Variants in SLC16A6 observed in about 807,000 individuals in gnomAD.
SLC16A6 encodes monocarboxylate transporter 7.
SLC16A6 carries 15 observed loss-of-function variants against 33.8 expected under a neutral mutation model. That is an observed-to-expected ratio of 0.44 (90% CI 0.30 to 0.68). The LOEUF (loss-of-function observed/expected upper bound fraction) is 0.68, where lower values mean the gene tolerates loss of function less well. SLC16A6 is among the 30% of genes least tolerant of loss of function. The probability of loss-of-function intolerance (pLI) is 0.10; values close to 1 mark genes in which losing one functional copy is unlikely to be tolerated. For missense variants in SLC16A6, 451 were observed against 661.5 expected (o/e 0.68, Z 3.49); for synonymous variants, 219 against 248.4 (o/e 0.88, Z 1.11).
At chr17:68,277,569 A>G (rs541218068) in intron 2 of SLC16A6, among the ~76,000 whole-genome samples, 2 of 152,302 alleles carry the variant, frequency 1.3e-5, no homozygotes, top group South Asian at 2.1e-4. Flanking sequence ...ACTGAGGATT[A>G]CAAGTGCAAA....
chr17:68,280,532 A>G (rs570715545), intron 1 of SLC16A6, among the ~76,000 whole-genome samples: 7 of 152,250 alleles, frequency 4.6e-5, no homozygotes, highest in Non-Finnish European at 1.0e-4. Flanking sequence ...AAAGACATTC[A>G]TTGGAGAAAG....
intron 2 of SLC16A6, chr17:68,274,305 A>C: frequency 2.8e-6 from 1 of 360,218 alleles, no homozygotes; most frequent in Admixed American, 3.9e-5. Flanking sequence ...GTCTCTACAA[A>C]AAATACAAAA....
chr17:68,277,422 G>A (rs1473894578), intron 2 of SLC16A6, among the ~76,000 whole-genome samples: 4 of 151,034 alleles, frequency 2.6e-5, no homozygotes, highest in Non-Finnish European at 5.9e-5. Flanking sequence ...GAGCCACCGC[G>A]CCCGGCCGCA....
intron 5 of SLC16A6, 33 bp downstream of exon 5, chr17:68,270,806 G>T: frequency 6.5e-7 from 1 of 1,528,866 alleles, no homozygotes; most frequent in South Asian, 1.3e-5. Context: ...AGGGAAAGTA[G>T]ACAAGTGTTT....
At chr17:68,286,946 G>C (rs933024864) in intron 1 of SLC16A6, among the ~76,000 whole-genome samples, 5 of 152,226 alleles carry the variant, frequency 3.3e-5, no homozygotes, top group African/African-American at 1.2e-4. Flanking sequence ...TCATTGCTTA[G>C]ATCTATTCTA....
intron 5 of SLC16A6, among the ~76,000 whole-genome samples, chr17:68,270,540 C>T (rs538960599): frequency 2.7e-5 from 4 of 146,072 alleles, no homozygotes; most frequent in South Asian, 4.3e-4. Context: ...GGTGATAGAG[C>T]GAGACTCCAT....
At chr17:68,276,381 A>C (rs1159086306) in intron 2 of SLC16A6, among the ~76,000 whole-genome samples, 1 of 152,224 alleles carries the variant, frequency 6.6e-6, no homozygotes, top group African/African-American at 2.4e-5. Context: ...AACTTCAGAG[A>C]TAACAGTTCC....
intron 2 of SLC16A6, 143 bp downstream of exon 2, chr17:68,277,946 A>G: frequency 1.6e-6 from 1 of 611,634 alleles, no homozygotes; most frequent in Non-Finnish European, 2.9e-6. Flanking sequence ...ATGCTCTGAA[A>G]ACCCTGTTAG....
rs1420439078 is a variant in SLC16A6, at chr17:68,270,954, A to G, written c.1206T>C (p.Thr402=). ...CATCCTCAGCAAGCAGTGGAATGTG[A>G]GTCCCTCCTATTGTTCCAACCATAA... The part of the protein sequence containing the change: ...FGFMVGTIGG[T]HIPLLAEDDV... The change falls in exon 5 of 6, where the codon ACT becomes ACC. Residue 402 remains threonine, a synonymous_variant. Coordinates refer to ENST00000580666, the MANE Select transcript of SLC16A6 (RefSeq NM_004694.5). 5.0e-6 allele frequency: 8 copies of G among 1,614,204 alleles called. No homozygotes were observed. The highest frequency in any genetic ancestry group is 6.8e-6 in the Non-Finnish European group (8 of 1,180,042).
In SLC16A6 at chr17:68,282,088, C is replaced by T. The variant is rs147826318; in HGVS notation, c.-7-3761G>A. 6.3e-3 allele frequency among the ~76,000 whole-genome samples: 958 copies of T among 152,254 alleles called. 7 individuals are homozygous for T. Among genetic ancestry groups the T allele is most frequent in the African/African-American group, 0.022 (905 of 41,544 alleles). ...GCGGCACTATTCACAACAGCAAAGA[C>T]TTGGAACCAATCCAAATGTCCATCA... On this transcript the variant is annotated intron_variant, in intron 1 of 5. Coordinates refer to ENST00000580666, the MANE Select transcript of SLC16A6 (RefSeq NM_004694.5).
intron 1 of SLC16A6, among the ~76,000 whole-genome samples, chr17:68,286,650 A>G (rs897764595): frequency 1.4e-4 from 22 of 152,082 alleles, no homozygotes; most frequent in Admixed American, 1.4e-3. Flanking sequence ...GATTACAGGC[A>G]CCCACCATCA....
chr17:68,273,436 G>T (rs1341240375), intron 3 of SLC16A6, among the ~76,000 whole-genome samples: 1 of 152,030 alleles, frequency 6.6e-6, no homozygotes, highest in Non-Finnish European at 1.5e-5. Flanking sequence ...GCCCCAGTTG[G>T]TCTCAAACTG....
At chr17:68,272,906 G>T in intron 3 of SLC16A6, 139 bp from the exon 4 acceptor site, 2 of 1,009,794 alleles carry the variant, frequency 2.0e-6, no homozygotes, top group Non-Finnish European at 2.9e-6. Flanking sequence ...TCTGGACAAA[G>T]GTGATGTTGC....
Position 68,271,741 on chromosome 17 carries a change from TC to T in SLC16A6, c.506-88del. ...AGAAGCCATCAAGAAGAAATATGGA[TC>T]CAGATTTTGTTATAAGTTCTGTGGA... is the stretch of plus-strand genomic sequence containing the variant. On this transcript the variant is annotated intron_variant, in intron 4 of 5. Coordinates refer to ENST00000580666, the MANE Select transcript of SLC16A6 (RefSeq NM_004694.5). The surrounding 1 kb of genome is among the most constrained non-coding windows in gnomAD (Gnocchi z 5.3). 9.9e-7 allele frequency: 1 copy of T among 1,013,232 alleles called. No individual in the cohort carries two copies. Among genetic ancestry groups the T allele is most frequent in the Non-Finnish European group, 1.4e-6 (1 of 691,540 alleles). 62.8% of individuals were successfully genotyped at this position (1,013,232 alleles called of 1,614,324 possible).
In SLC16A6 at chr17:68,273,984, C is replaced by A; in HGVS notation, c.319G>T (p.Ala107Ser). The change falls in exon 3 of 6, where the codon GCC becomes TCC. Residue 107 changes from alanine to serine, a missense_variant. Physicochemically the swap from Ala to Ser is moderately conservative, Grantham distance 99. Transcript: ENST00000580666. ...GGLLVSTGMV[A>S]ASFSQEVSHM... ...GAAACCTCTTGTGAGAAGGAGGCGG[C>A]CACCATCCCGGTGCTGACAAGTAGC... 6.2e-7 allele frequency: 1 copy of A among 1,614,158 alleles called. No homozygotes were observed.
chr17:68,276,965 C>T (rs1207545895), intron 2 of SLC16A6, among the ~76,000 whole-genome samples: 2 of 152,116 alleles, frequency 1.3e-5, no homozygotes, highest in African/African-American at 4.8e-5. Flanking sequence ...AATGATGAAT[C>T]AGTGAAGTCC....
chr17:68,290,690 T>C (rs1555755487), intron 1 of SLC16A6, among the ~76,000 whole-genome samples: 1 of 152,212 alleles, frequency 6.6e-6, no homozygotes, highest in Non-Finnish European at 1.5e-5. Flanking sequence ...GACATTTCGC[T>C]CCTGCGACGC....
intron 5 of SLC16A6, among the ~76,000 whole-genome samples, chr17:68,269,649 T>TATA (rs1159640079): frequency 2.0e-5 from 3 of 147,726 alleles, no homozygotes; most frequent in Non-Finnish European, 3.0e-5. Flanking sequence ...GGAACTGTAT[T>TATA]ATTTTCACTT....
At chr17:68,277,050 A>T (rs1039440295) in intron 2 of SLC16A6, among the ~76,000 whole-genome samples, 1 of 152,164 alleles carries the variant, frequency 6.6e-6, no homozygotes, top group East Asian at 1.9e-4. Flanking sequence ...ATCTCCTTGT[A>T]CACATCTCAT....
Sources: allele counts gnomAD v4.1 joint callset (sites outside exome capture counted in the v4.1 genomes callset), GRCh38; gene constraint gnomAD v4.1.1; non-coding constraint Gnocchi (gnomAD v3.1); transcripts MANE v1.5; gene names NCBI Gene and HGNC (gene_info 2026-07-23, HGNC 2026-07-21).